ERI1: variants seen among roughly 807,000 people sequenced by gnomAD.
ERI1 encodes the protein 3'-5' exoribonuclease 1.
A neutral mutation model predicts 39.7 loss-of-function variants in ERI1; 39 were observed. That is an observed-to-expected ratio of 0.98 (90% confidence interval 0.76 to 1.28). The LOEUF (loss-of-function observed/expected upper bound fraction) is 1.28, where lower values mean the gene tolerates loss of function less well. Ranked by LOEUF, ERI1 falls within the 50% of genes most tolerant of loss-of-function variation. ERI1 has a pLI of 0.00. For missense variants in ERI1, 581 were observed against 416.9 expected, an observed-to-expected ratio of 1.39 and a Z score of -3.43; for synonymous variants, 204 against 149.6, an observed-to-expected ratio of 1.36 and a Z score of -2.65.
chr8:9,053,589 C>T (rs545289147), intron 3 of ERI1, among the ~76,000 whole-genome samples: 5 of 152,210 alleles, frequency 3.3e-5, no homozygotes, highest in East Asian at 1.9e-4. Context: ...TATGAGTCAC[C>T]GTAGTCTGTT....
At chr8:9,083,308 C>T (rs1404790032) in intron 3 of ERI1, among the ~76,000 whole-genome samples, 1 of 152,162 alleles carries the variant, frequency 6.6e-6, no homozygotes, top group Non-Finnish European at 1.5e-5. Flanking sequence ...CTGACGGTAA[C>T]TTCCATCCAA....
chr8:9,017,347 A>C (rs866997193), intron 4 of ERI1, among the ~76,000 whole-genome samples: 9 of 152,228 alleles, frequency 5.9e-5, no homozygotes, highest in Non-Finnish European at 1.2e-4. Context: ...CTGTTTCATG[A>C]ATTTTTAGGT....
chr8:9,072,932 C>G (rs1432390507), intron 3 of ERI1, among the ~76,000 whole-genome samples: 1 of 152,250 alleles, frequency 6.6e-6, no homozygotes, highest in African/African-American at 2.4e-5. Flanking sequence ...CGGGATGCGT[C>G]TTTCGGCCTC....
chr8:9,003,799 TGTAA>T lies in ERI1; in HGVS notation c.108+631_108+634del, dbSNP rs768623931. Among the ~76,000 whole-genome samples the T allele has an allele frequency of 3.9e-5, 6 of 152,352 alleles. No individual in the cohort carries two copies. In the East Asian group the frequency reaches 7.7e-4, roughly 20 times the overall value. ...TTAATTGTTGACTAGCGCTGCGGAT[TGTAA>T]GTGATTGAATACTAAAATTGATCTT... On this transcript the variant is annotated intron_variant, in intron 1 of 6. Coordinates refer to ENST00000250263, the MANE Select transcript of ERI1 (RefSeq NM_153332.4).
chr8:9,046,241 C>G (rs180957700), intron 3 of ERI1, among the ~76,000 whole-genome samples: 31 of 152,312 alleles, frequency 2.0e-4, no homozygotes, highest in African/African-American at 7.2e-4. Context: ...GATGCTAGTT[C>G]TTCTGAGCAT....
chr8:9,058,113 C>T (rs1415925679), intron 3 of ERI1, among the ~76,000 whole-genome samples: 1 of 152,194 alleles, frequency 6.6e-6, no homozygotes, highest in Non-Finnish European at 1.5e-5. Context: ...GCATTCAAAA[C>T]AGACTGCAGG....
At chr8:9,043,493 A>G (rs574796059) in intron 3 of ERI1, among the ~76,000 whole-genome samples, 6 of 152,380 alleles carry the variant, frequency 3.9e-5, no homozygotes, top group African/African-American at 1.4e-4. Context: ...AACATCTCTT[A>G]TGGAAGATGG....
In ERI1 at chr8:9,054,660, C is replaced by G. The variant is rs189176029; in HGVS notation, n.299+34196C>G. Among the ~76,000 whole-genome samples, 125 of 152,362 alleles carry G rather than the reference C, an allele frequency of 8.2e-4. 2 individuals carry two copies. In the East Asian group the frequency reaches 0.023, roughly 28 times the overall value. The stretch of plus-strand genomic sequence containing the variant: ...CGTGATTGGGCCAGGCACCATGGCC[C>G]ACGCCTGTGATCCCAGCACTTTGGG... On this transcript the variant is annotated intron_variant and non_coding_transcript_variant, in intron 3 of 3. Transcript: ENST00000518663.
intron 3 of ERI1, among the ~76,000 whole-genome samples, chr8:9,080,179 G>A (rs1365063825): frequency 6.6e-6 from 1 of 152,190 alleles, no homozygotes; most frequent in Non-Finnish European, 1.5e-5. Flanking sequence ...ATAGAAAGCA[G>A]TTTTAAGAGG....
At chr8:9,067,753 C>T (rs1222719164) in intron 3 of ERI1, among the ~76,000 whole-genome samples, 2 of 151,908 alleles carry the variant, frequency 1.3e-5, no homozygotes, top group Non-Finnish European at 2.9e-5. Flanking sequence ...AGCTGGGTTC[C>T]ACGGTATTAA....
rs1369179365 is a variant in ERI1 at position 9,031,192 on chromosome 8, C to A, written c.*1158C>A. On this transcript the variant is annotated 3_prime_UTR_variant, in exon 7 of 7. Transcript: ENST00000250263. ...TTACCTTTTAATAAAAATTGTGATG[C>A]TACTTTATTCTAAAGATTTATATTT... 3 of 152,134 alleles carry A rather than the reference C, an allele frequency of 2.0e-5. No individual in the cohort carries two copies. Among genetic ancestry groups the A allele is most frequent in the Non-Finnish European group, 4.4e-5 (3 of 68,022 alleles). 9.4% of individuals were successfully genotyped at this position (152,134 alleles called of 1,614,324 possible). A position where few individuals can be genotyped will look rare whatever the true frequency, so the allele number is the denominator to read the frequency against.
chr8:9,020,349 GTTC>G lies in ERI1; in HGVS notation c.695_697del (p.Ser232del). The G allele has an allele frequency of 6.5e-7, 1 of 1,549,744 alleles. No homozygotes were observed. The highest frequency in any genetic ancestry group is 8.7e-7 in the Non-Finnish European group (1 of 1,149,126). On this transcript the variant is annotated inframe_deletion and splice_region_variant, in exon 6 of 7. Transcript: ENST00000250263. ...ATTTTTTGTCCTTTTTTAATTTATAGTTCTTGGGATATGAGTAAGTTCTTGAAC... is the reference window on the plus strand; with the variant it reads ...ATTTTTTGTCCTTTTTTAATTTATAGTTGGGATATGAGTAAGTTCTTGAAC...
At chr8:9,025,282 A>C (rs1447890592) in intron 6 of ERI1, among the ~76,000 whole-genome samples, 1 of 152,198 alleles carries the variant, frequency 6.6e-6, no homozygotes, top group Non-Finnish European at 1.5e-5. Context: ...CCCAAGCAAA[A>C]GGTGGACATT....
chr8:9,015,200 C>T (rs962395218), intron 3 of ERI1, among the ~76,000 whole-genome samples: 14 of 152,180 alleles, frequency 9.2e-5, no homozygotes, highest in African/African-American at 2.9e-4. Context: ...ATTTATAGCT[C>T]ATCCACTTAA....
chr8:9,008,071 C>T lies in ERI1; in HGVS notation c.210C>T (p.Ala70=). ...GTGACCCGGTTTACAAAGAGATTGC[C>T]ATTACGAATGGCTGTATTAATAGAA... ...DFSDPVYKEI[A]ITNGCINRMS... Residue 70 remains alanine (A), a synonymous_variant, in exon 2 of 7, where the codon GCC becomes GCT. Coordinates refer to ENST00000250263, the MANE Select transcript of ERI1 (RefSeq NM_153332.4). 6.2e-7 allele frequency: 1 copy of T among 1,610,732 alleles called. No homozygotes were observed. The highest frequency in any genetic ancestry group is 8.5e-7 in the Non-Finnish European group (1 of 1,179,252).
intron 3 of ERI1, among the ~76,000 whole-genome samples, chr8:9,046,322 A>G (rs950267972): frequency 2.6e-5 from 4 of 152,198 alleles, no homozygotes; most frequent in African/African-American, 7.2e-5. Flanking sequence ...CCTGGCAGTA[A>G]AAGCCAGTCA....
At chr8:9,079,991 CA>C (rs35227058) in intron 3 of ERI1, among the ~76,000 whole-genome samples, 45,678 of 114,952 alleles carry the variant, frequency 0.4, 7,259 homozygotes, top group African/African-American at 0.5. Flanking sequence ...TTTTTAAAGA[CA>C]AAAAAAAAAA....
intron 3 of ERI1, among the ~76,000 whole-genome samples, chr8:9,083,302 C>T (rs556586413): frequency 8.5e-5 from 13 of 152,256 alleles, no homozygotes; most frequent in South Asian, 4.2e-4. Context: ...TGTGCTCTGA[C>T]GGTAACTTCC....
At chr8:9,089,802 G>A (rs1454441954) in intron 3 of ERI1, among the ~76,000 whole-genome samples, 3 of 152,160 alleles carry the variant, frequency 2.0e-5, no homozygotes, top group African/African-American at 7.2e-5. Flanking sequence ...GGCAGAGTCC[G>A]CTTAGCTTTT....
Sources: gnomAD v4.1 joint callset for allele counts (sites outside exome capture counted in the v4.1 genomes callset) on GRCh38, gnomAD v4.1.1 for gene constraint, MANE v1.5 for transcripts, NCBI Gene and HGNC (gene_info 2026-07-23, HGNC 2026-07-21) for gene names.